CD2AP: variants seen among roughly 807,000 people sequenced by gnomAD.
CD2AP encodes CD2-associated protein.
Under a neutral mutation model 85.1 loss-of-function variants are expected in CD2AP, and 46 were observed. The ratio of observed to expected loss-of-function variants is 0.54; its 90% CI spans 0.43 to 0.69. The LOEUF is 0.69. Ranked by LOEUF, CD2AP falls within the 30% of genes least tolerant of loss-of-function variation. The pLI is 0.00. For synonymous variants in CD2AP, 255 were observed against 252.9 expected (o/e 1.01, Z -0.08); for missense variants, 769 against 729.5 (o/e 1.05, Z -0.62).
At chr6:47,595,534 T>TACATGATTTTACAACA (rs1427654420) in intron 11 of CD2AP, among the ~76,000 whole-genome samples, 1 of 152,016 alleles carries the variant, frequency 6.6e-6, no homozygotes, top group Non-Finnish European at 1.5e-5. Flanking sequence ...TAGAGTAAAA[T>TACATGATTTTACAACA]CATGTGTGGT....
intron 17 of CD2AP, among the ~76,000 whole-genome samples, chr6:47,620,735 A>G (rs968736465): frequency 2.0e-5 from 3 of 152,060 alleles, no homozygotes; most frequent in Non-Finnish European, 4.4e-5. Flanking sequence ...AGTGTTTTGT[A>G]GTTTTCCTTG....
intron 2 of CD2AP, among the ~76,000 whole-genome samples, chr6:47,530,559 G>A (rs1562018433): frequency 6.6e-6 from 1 of 152,048 alleles, no homozygotes; most frequent in Non-Finnish European, 1.5e-5. Flanking sequence ...GTGTTCCATT[G>A]TTTATTCATT....
At chr6:47,508,505 T>G (rs1457307710) in intron 2 of CD2AP, among the ~76,000 whole-genome samples, 2 of 151,812 alleles carry the variant, frequency 1.3e-5, no homozygotes, top group East Asian at 3.9e-4. Context: ...GCTGGTTTGA[T>G]CTTCTAATGA....
In CD2AP at chr6:47,600,928, A is replaced by T. The variant is rs552562104; in HGVS notation, c.1417+1485A>T. On this transcript the variant is annotated intron_variant, in intron 13 of 17. Coordinates refer to ENST00000359314, the MANE Select transcript of CD2AP (RefSeq NM_012120.3). ...AAATTTGGGGGATCTTTATCACATA[A>T]GTCTTTAAATGTTGATGGAGTCCCT... 2.9e-4 allele frequency among the ~76,000 whole-genome samples: 44 copies of T among 151,990 alleles called. 2 individuals are homozygous for T. In the South Asian group the frequency reaches 9.1e-3, roughly 31 times the overall value.
intron 2 of CD2AP, among the ~76,000 whole-genome samples, chr6:47,531,760 A>G (rs946430609): frequency 3.9e-5 from 6 of 152,112 alleles, no homozygotes; most frequent in Non-Finnish European, 8.8e-5. Context: ...GTTCTCAAGT[A>G]TTTGAAGTAT....
Position 47,579,471 on chromosome 6 carries a change from A to G in CD2AP, c.990A>G (p.Glu330=), listed in dbSNP as rs1450688075. 4.4e-6 allele frequency: 7 copies of G among 1,601,336 alleles called. No individual in the cohort carries two copies. The highest frequency in any genetic ancestry group is 5.1e-6 in the Non-Finnish European group (6 of 1,168,376). ...ACAATTTTGCTGTCCAGATAAATGA[A>G]CTTGATAAAGACTTTCCAGTAAGCT... The part of the protein sequence containing the change: ...FPDNFAVQIN[E]LDKDFPKPKK... Residue 330 remains glutamate, a synonymous_variant, in exon 9 of 18, where the codon GAA becomes GAG. Coordinates refer to ENST00000359314, the MANE Select transcript of CD2AP (RefSeq NM_012120.3).
intron 11 of CD2AP, among the ~76,000 whole-genome samples, chr6:47,587,554 A>T (rs1015544585): frequency 3.9e-5 from 6 of 152,216 alleles, no homozygotes; most frequent in Admixed American, 3.9e-4. Flanking sequence ...GCTGTGTCCC[A>T]GAATGGTAAT....
rs1218655086 is a variant in CD2AP, at chr6:47,624,857, A to G, written c.*630A>G. The G allele has an allele frequency of 6.6e-6, 1 of 151,936 alleles. No homozygotes were observed. Among genetic ancestry groups the G allele is most frequent in the Non-Finnish European group, 1.5e-5 (1 of 67,864 alleles). 9.4% of individuals were successfully genotyped at this position (151,936 alleles called of 1,614,324 possible). A position where few individuals can be genotyped will look rare whatever the true frequency, so the allele number is the denominator to read the frequency against. ...GCTATATAAACCAGATTACTCACCC[A>G]TGCATATAGTAAGAACTAATGAATA... On this transcript the variant is annotated 3_prime_UTR_variant, in exon 18 of 18. Coordinates refer to ENST00000359314, the MANE Select transcript of CD2AP (RefSeq NM_012120.3).
chr6:47,601,549 C>G (rs1769134022), intron 13 of CD2AP, among the ~76,000 whole-genome samples: 1 of 151,954 alleles, frequency 6.6e-6, no homozygotes, highest in Admixed American at 6.6e-5. Context: ...CAGTTGCATG[C>G]TAAGATAAAA....
rs1271194497 is a variant in CD2AP, at chr6:47,564,473, T to C, written c.542-9591T>C. Among the ~76,000 whole-genome samples the C allele has an allele frequency of 3.3e-5, 5 of 152,208 alleles. No individual in the cohort carries two copies. The East Asian group carries it at 9.6e-4, about 29-fold the overall frequency. Reference sequence around the variant, plus strand: ...ATAAAATACTTTGCACATTTTCTTATGCTATTCAGCTTGATTTGGATTTTA... The same window carrying C: ...ATAAAATACTTTGCACATTTTCTTACGCTATTCAGCTTGATTTGGATTTTA... On this transcript the variant is annotated intron_variant, in intron 5 of 17. Transcript: ENST00000359314.
At chr6:47,535,767 A>G (rs542272367) in intron 3 of CD2AP, among the ~76,000 whole-genome samples, 1 of 152,302 alleles carries the variant, frequency 6.6e-6, no homozygotes, top group East Asian at 1.9e-4. Flanking sequence ...CTGAACCTCT[A>G]TATAGAATGT....
chr6:47,555,678 C>T (rs986187384), intron 5 of CD2AP, among the ~76,000 whole-genome samples: 2 of 152,168 alleles, frequency 1.3e-5, no homozygotes, highest in African/African-American at 4.8e-5. Context: ...CAATGCTACA[C>T]TTATATGTTT....
At chr6:47,589,565 C>CACACATATATATATATATATAT (rs139814970) in intron 11 of CD2AP, among the ~76,000 whole-genome samples, 2,191 of 120,618 alleles carry the variant, frequency 0.018, 56 homozygotes, top group Admixed American at 0.037. Context: ...CACACACACA[C>CACACATATATATATATATATAT]ATATATATAT....
rs1000017010 is a variant in CD2AP, at chr6:47,625,642, T to C, written c.*1415T>C. 5 of 151,810 alleles carry C rather than the reference T, an allele frequency of 3.3e-5. No individual in the cohort carries two copies. Among genetic ancestry groups the C allele is most frequent in the African/African-American group, 9.7e-5 (4 of 41,380 alleles). The allele number at this position is 151,810 out of a possible 1,614,324, so 9.4% of individuals were successfully genotyped here. On this transcript the variant is annotated 3_prime_UTR_variant, in exon 18 of 18. Coordinates refer to ENST00000359314, the MANE Select transcript of CD2AP (RefSeq NM_012120.3). ...TCAGATTTTTGAGTACCAATGATCA[T>C]GCTTCCATTTTTTTTAGTTTTAAAC...
At chr6:47,567,435 C>T (rs1454076371) in intron 5 of CD2AP, among the ~76,000 whole-genome samples, 2 of 152,024 alleles carry the variant, frequency 1.3e-5, no homozygotes, top group Admixed American at 1.3e-4. Flanking sequence ...TGTACAAAGT[C>T]CTGGGAATAC....
intron 17 of CD2AP, 67 bp downstream of exon 17, chr6:47,612,603 C>T: frequency 9.3e-7 from 1 of 1,073,832 alleles, no homozygotes; most frequent in African/African-American, 1.6e-5. Flanking sequence ...CCCAACCCAA[C>T]TGGGTAATCG....
At chr6:47,508,488 AGTT>A (rs1766233263) in intron 2 of CD2AP, among the ~76,000 whole-genome samples, 1 of 151,336 alleles carries the variant, frequency 6.6e-6, no homozygotes, top group African/African-American at 2.4e-5. Flanking sequence ...CTTAGGGAAA[AGTT>A]GTGGCTGGTT....
chr6:47,505,126 G>C (rs1203054875), intron 2 of CD2AP, among the ~76,000 whole-genome samples: 1 of 91,652 alleles, frequency 1.1e-5, no homozygotes, highest in African/African-American at 3.7e-5. Context: ...AAGGTCAGCA[G>C]ATAAACAAGT....
At chr6:47,534,544 T>C (rs1582526390) in intron 3 of CD2AP, among the ~76,000 whole-genome samples, 1 of 152,120 alleles carries the variant, frequency 6.6e-6, no homozygotes, top group South Asian at 2.1e-4. Context: ...CCATCTCTAC[T>C]AAATATACAA....
Sources: gnomAD v4.1 joint callset for allele counts (sites outside exome capture counted in the v4.1 genomes callset) on GRCh38, gnomAD v4.1.1 for gene constraint, MANE v1.5 for transcripts, NCBI Gene and HGNC (gene_info 2026-07-23, HGNC 2026-07-21) for gene names.